The following CCNY variants were observed in gnomAD, a reference collection of about 807,000 sequenced individuals.
CCNY encodes cyclin-Y.
CCNY carries 19 observed loss-of-function variants against 42.8 expected under a neutral mutation model. The ratio of observed to expected loss-of-function variants is 0.44; its 90% CI spans 0.31 to 0.65. The LOEUF (loss-of-function observed/expected upper bound fraction) is 0.65, where lower values mean the gene tolerates loss of function less well. Among genes scored for constraint, CCNY ranks in the 30% least tolerant of loss-of-function variants. CCNY has a pLI of 0.07. For synonymous variants in CCNY, 165 were observed against 162.7 expected (o/e 1.01, Z -0.11); for missense variants, 370 against 437.3 (o/e 0.85, Z 1.37).
intron 3 of CCNY, among the ~76,000 whole-genome samples, chr10:35,298,860 C>T (rs1365175239): frequency 6.6e-6 from 1 of 152,028 alleles, no homozygotes; most frequent in Non-Finnish European, 1.5e-5. Context: ...GTTAGTTTAT[C>T]AAGTTATCTA....
At chr10:35,548,352 G>T (rs927394958) in intron 7 of CCNY, among the ~76,000 whole-genome samples, 1 of 149,866 alleles carries the variant, frequency 6.7e-6, no homozygotes, top group Admixed American at 6.7e-5. Flanking sequence ...AGGCTGGAGT[G>T]CAGTTTCACG....
At chr10:35,363,683 G>A (rs148905621) in intron 1 of CCNY, among the ~76,000 whole-genome samples, 2 of 152,248 alleles carry the variant, frequency 1.3e-5, no homozygotes, top group East Asian at 1.9e-4. Flanking sequence ...TCCGCCCCAC[G>A]ACCTCCCCGA....
rs113339124 is a variant in CCNY, at chr10:35,420,635, C to T, written c.155-62769C>T. Among the ~76,000 whole-genome samples the T allele has an allele frequency of 4.2e-3, 637 of 152,234 alleles. 6 individuals carry two copies. Among genetic ancestry groups the T allele is most frequent in the African/African-American group, 0.015 (605 of 41,524 alleles). ...CCCAATGACCAATTCATGAGGAAGT[C>T]GCAATCTCACACCAGAATCTCACTG... On this transcript the variant is annotated intron_variant, in intron 1 of 9. Coordinates refer to ENST00000374704, the MANE Select transcript of CCNY (RefSeq NM_145012.6).
Position 35,337,197 on chromosome 10 carries a change from G to A in CCNY, c.144G>A (p.Glu48=). 3 of 1,556,722 alleles carry A rather than the reference G, an allele frequency of 1.9e-6. No individual in the cohort carries two copies. The highest frequency in any genetic ancestry group is 2.4e-5 in the South Asian group (2 of 84,334). Reference sequence around the variant, plus strand: ...ACCTGCAGCACATCAGCGACCGGGAGAACATAGACGGTGAGTGCGGCCCGC... The same window carrying A: ...ACCTGCAGCACATCAGCGACCGGGAAAACATAGACGGTGAGTGCGGCCCGC... ...GCNLQHISDR[E]NIDDLNMEFN... Residue 48 remains glutamate (E), a synonymous_variant, in exon 1 of 10, where the codon GAG becomes GAA. Coordinates refer to ENST00000374704, the MANE Select transcript of CCNY (RefSeq NM_145012.6).
intron 1 of CCNY, among the ~76,000 whole-genome samples, chr10:35,418,475 G>T (rs113879878): frequency 0.079 from 11,969 of 152,244 alleles, 842 homozygotes; most frequent in African/African-American, 0.19. Flanking sequence ...CATCTATGAA[G>T]CAGTGGGAGC....
chr10:35,413,980 C>T (rs543187616), intron 1 of CCNY, among the ~76,000 whole-genome samples: 77 of 152,320 alleles, frequency 5.1e-4, no homozygotes, highest in Non-Finnish European at 9.6e-4. Flanking sequence ...ACTGGTTCCC[C>T]TCTGCAGTTG....
chr10:35,353,252 A>C (rs1314634892), intron 1 of CCNY, among the ~76,000 whole-genome samples: 3 of 152,148 alleles, frequency 2.0e-5, no homozygotes, highest in Non-Finnish European at 4.4e-5. Flanking sequence ...TGAAGTCAGT[A>C]GGTAGTTTAG....
In CCNY at chr10:35,368,701, G is replaced by C. The variant is rs534679018; in HGVS notation, c.154+31494G>C. On this transcript the variant is annotated intron_variant, in intron 1 of 9. Coordinates refer to ENST00000374704, the MANE Select transcript of CCNY (RefSeq NM_145012.6). The stretch of plus-strand genomic sequence containing the variant: ...CTCTATAGCCCGGCCCCAGGCGTCA[G>C]GGCAGGCCGCTGTGGGGTGGGCGGT... 9.8e-4 allele frequency among the ~76,000 whole-genome samples: 150 copies of C among 152,348 alleles called. 1 individual carries two copies. The highest frequency in any genetic ancestry group is 1.7e-3 in the Non-Finnish European group (117 of 68,026).
At chr10:35,359,726 C>T (rs995772606) in intron 1 of CCNY, among the ~76,000 whole-genome samples, 8 of 152,320 alleles carry the variant, frequency 5.3e-5, no homozygotes, top group African/African-American at 1.9e-4. Context: ...TCCAGAACTA[C>T]TTCTTCCCAA....
Position 35,351,467 on chromosome 10 carries a change from G to T in CCNY, c.154+14260G>T, listed in dbSNP as rs116175423. 3.5e-3 allele frequency among the ~76,000 whole-genome samples: 534 copies of T among 152,310 alleles called. 4 individuals carry two copies. The highest frequency in any genetic ancestry group is 0.012 in the African/African-American group (502 of 41,568). On this transcript the variant is annotated intron_variant, in intron 1 of 9. Coordinates refer to ENST00000374704, the MANE Select transcript of CCNY (RefSeq NM_145012.6). ...TATGCCTAATTTCCTGAAATAGGAG[G>T]TCTCTCAGGGAAGGTCCAGCCTAAC...
chr10:35,468,037 A>G (rs1839306053), intron 1 of CCNY, among the ~76,000 whole-genome samples: 1 of 152,224 alleles, frequency 6.6e-6, no homozygotes, highest in African/African-American at 2.4e-5. Flanking sequence ...GGCTGCTATA[A>G]CAAAATATTA....
chr10:35,334,564 T>C (rs1370571150), upstream of CCNY, among the ~76,000 whole-genome samples: 1 of 152,250 alleles, frequency 6.6e-6, no homozygotes, highest in Non-Finnish European at 1.5e-5. Context: ...TTTGGACTGT[T>C]GTTGTCTACC....
At chr10:35,444,019 A>G (rs1212903703) in intron 1 of CCNY, among the ~76,000 whole-genome samples, 3 of 152,242 alleles carry the variant, frequency 2.0e-5, no homozygotes, top group African/African-American at 7.2e-5. Context: ...GCTCTCTGGC[A>G]AAACTGCTAG....
rs543272401 is a variant in CCNY at position 35,426,356 on chromosome 10, G to A, written c.155-57048G>A. On this transcript the variant is annotated intron_variant, in intron 1 of 9. Coordinates refer to ENST00000374704, the MANE Select transcript of CCNY (RefSeq NM_145012.6). Reference sequence around the variant, plus strand: ...TTTCCAGCTGTCAGCAGGTTATTAAGAAGGCCTGATAGTGAAGAAGGAGAC... The same window carrying A: ...TTTCCAGCTGTCAGCAGGTTATTAAAAAGGCCTGATAGTGAAGAAGGAGAC... 5.6e-4 allele frequency among the ~76,000 whole-genome samples: 86 copies of A among 152,244 alleles called. 1 individual carries two copies. The highest frequency in any genetic ancestry group is 5.6e-3 in the Admixed American group (86 of 15,294).
At chr10:35,309,975 T>C (rs1835663743) in intron 3 of CCNY, among the ~76,000 whole-genome samples, 1 of 152,050 alleles carries the variant, frequency 6.6e-6, no homozygotes, top group Non-Finnish European at 1.5e-5. Context: ...TAATTTTTTG[T>C]ATTTTCAGTA....
chr10:35,342,335 ACTTT>A, intron 1 of CCNY, among the ~76,000 whole-genome samples: 1 of 152,302 alleles, frequency 6.6e-6, no homozygotes, highest in East Asian at 1.9e-4. Context: ...CATACCGTGG[ACTTT>A]CTTTCCAGGC....
chr10:35,448,775 G>A (rs547482305), intron 1 of CCNY, among the ~76,000 whole-genome samples: 3 of 152,100 alleles, frequency 2.0e-5, no homozygotes, highest in Admixed American at 6.6e-5. Flanking sequence ...TGTAGCCACT[G>A]TGAGTACTTT....
At chr10:35,391,236 T>C (rs1344905787) in intron 1 of CCNY, among the ~76,000 whole-genome samples, 1 of 152,232 alleles carries the variant, frequency 6.6e-6, no homozygotes, top group Non-Finnish European at 1.5e-5. Flanking sequence ...TACTGCTATG[T>C]TGTTCCCCTA....
At chr10:35,497,604 G>T (rs1041321379) in intron 2 of CCNY, among the ~76,000 whole-genome samples, 2 of 152,002 alleles carry the variant, frequency 1.3e-5, no homozygotes, top group African/African-American at 4.8e-5. Flanking sequence ...GCTGGATGTG[G>T]TGGTGCACCC....
Sources: gnomAD v4.1 joint callset for allele counts (sites outside exome capture counted in the v4.1 genomes callset) on GRCh38, gnomAD v4.1.1 for gene constraint, MANE v1.5 for transcripts, NCBI Gene and HGNC (gene_info 2026-07-23, HGNC 2026-07-21) for gene names.